The following CACNA2D2 variants were observed in gnomAD, a reference collection of about 807,000 sequenced individuals.
CACNA2D2 encodes the protein calcium voltage-gated channel auxiliary subunit alpha2delta 2, also known as voltage-dependent calcium channel subunit alpha-2/delta-2.
In CACNA2D2, 48 loss-of-function variants were observed where a neutral mutation model predicts 166.4. That is an observed-to-expected ratio of 0.29 (90% confidence interval 0.23 to 0.37). CACNA2D2 has a LOEUF of 0.37. Among genes scored for constraint, CACNA2D2 ranks in the 10% least tolerant of loss-of-function variants. CACNA2D2 has a pLI of 1.00. For synonymous variants in CACNA2D2, 561 were observed against 573.7 expected (o/e 0.98, Z 0.32); for missense variants, 1,122 against 1,433.0 (o/e 0.78, Z 3.50).
Position 50,365,225 on chromosome 3 carries a change from GC to G in CACNA2D2, c.3099-42del. 1.9e-6 allele frequency: 1 copy of G among 528,674 alleles called. No individual in the cohort carries two copies. The highest frequency in any genetic ancestry group is 2.8e-6 in the Non-Finnish European group (1 of 355,272). The allele number at this position is 528,674 out of a possible 1,614,324, so 32.7% of individuals were successfully genotyped here. On this transcript the variant is annotated intron_variant, in intron 35 of 37. Transcript: ENST00000424201. The surrounding 1 kb of genome is among the most constrained non-coding windows in gnomAD (Gnocchi z 4.5). ...AAAGGCGGGGCGTTGAGTTTGCCCCGCCCTGACCCACCCCCATCCTGCGGCC... is the reference window on the plus strand; with the variant it reads ...AAAGGCGGGGCGTTGAGTTTGCCCCGCCTGACCCACCCCCATCCTGCGGCC...
At chr3:50,447,284 G>A (rs537211912) in intron 2 of CACNA2D2, among the ~76,000 whole-genome samples, 2 of 152,276 alleles carry the variant, frequency 1.3e-5, no homozygotes, top group South Asian at 2.1e-4. Flanking sequence ...CATGCAGTGT[G>A]ACCTTGTCTC....
intron 6 of CACNA2D2, among the ~76,000 whole-genome samples, chr3:50,382,879 C>A (rs1705396362): frequency 1.3e-5 from 2 of 152,202 alleles, no homozygotes; most frequent in South Asian, 4.1e-4. Context: ...TACCTGTGAC[C>A]CCACACGCGC....
intron 4 of CACNA2D2, among the ~76,000 whole-genome samples, chr3:50,393,330 A>G (rs992950251): frequency 3.9e-5 from 6 of 152,206 alleles, no homozygotes; most frequent in South Asian, 2.1e-4. Context: ...TGGAGGACAC[A>G]GGAGCCCTGC....
chr3:50,413,909 A>G (rs1203548015), intron 3 of CACNA2D2, among the ~76,000 whole-genome samples: 2 of 152,036 alleles, frequency 1.3e-5, no homozygotes, highest in East Asian at 3.9e-4. Context: ...TTCGGTTGCC[A>G]GGGCCCCATT....
intron 1 of CACNA2D2, among the ~76,000 whole-genome samples, chr3:50,479,962 G>A (rs1053904745): frequency 2.0e-5 from 3 of 152,222 alleles, no homozygotes; most frequent in African/African-American, 7.2e-5. Context: ...GGCAGTGAGG[G>A]GAGAGTGGCC....
At chr3:50,478,009 C>A (rs1029013511) in intron 1 of CACNA2D2, among the ~76,000 whole-genome samples, 1 of 151,860 alleles carries the variant, frequency 6.6e-6, no homozygotes, top group African/African-American at 2.4e-5. Context: ...GCAGGCAGAT[C>A]ACTAATTGCA....
At chr3:50,391,385 G>A (rs1282627013) in intron 4 of CACNA2D2, among the ~76,000 whole-genome samples, 1 of 152,368 alleles carries the variant, frequency 6.6e-6, no homozygotes, top group East Asian at 1.9e-4. Context: ...GGTTTTGGTG[G>A]CACACAGTGT....
intron 22 of CACNA2D2, among the ~76,000 whole-genome samples, chr3:50,371,228 A>G (rs932626165): frequency 9.9e-5 from 15 of 152,112 alleles, no homozygotes; most frequent in Non-Finnish European, 8.8e-5. Context: ...TCTGGGCTCC[A>G]GGCAGCCATG....
chr3:50,366,427 G>C lies in CACNA2D2; in HGVS notation c.2638-89C>G. On this transcript the variant is annotated intron_variant, in intron 30 of 37. Coordinates refer to ENST00000424201, the MANE Select transcript of CACNA2D2 (RefSeq NM_006030.4). This position sits in a 1 kb window ranked among gnomAD's most constrained non-coding sequence, Gnocchi z 5.9. Reference sequence around the variant, plus strand: ...CAGTCCAGTGGTTCAGAGTTGGGGGGCATCACTCCCCCAGTCCTGGGAAGG... The same window carrying C: ...CAGTCCAGTGGTTCAGAGTTGGGGGCCATCACTCCCCCAGTCCTGGGAAGG... 1 of 1,476,286 alleles carries C rather than the reference G, an allele frequency of 6.8e-7. No homozygotes were observed. Among genetic ancestry groups the C allele is most frequent in the Non-Finnish European group, 9.5e-7 (1 of 1,055,480 alleles). The allele number at this position is 1,476,286 out of a possible 1,614,324, so 91.4% of individuals were successfully genotyped here. A position where few individuals can be genotyped will look rare whatever the true frequency, so the allele number is the denominator to read the frequency against.
intron 3 of CACNA2D2, among the ~76,000 whole-genome samples, chr3:50,413,749 A>T (rs1417192719): frequency 6.6e-6 from 1 of 152,162 alleles, no homozygotes; most frequent in African/African-American, 2.4e-5. Context: ...TGGGAGGATG[A>T]GGCAGGAGAG....
chr3:50,371,261 G>C (rs762539484), intron 22 of CACNA2D2, among the ~76,000 whole-genome samples: 7 of 152,198 alleles, frequency 4.6e-5, no homozygotes, highest in Non-Finnish European at 7.3e-5. Context: ...GCTCCAGAGA[G>C]GGCATAGGGC....
rs1024929799 is a variant in CACNA2D2, at chr3:50,366,630, T to G, written c.2590-5A>C. The G allele has an allele frequency of 3.7e-6, 6 of 1,613,758 alleles. No individual in the cohort carries two copies. The African/African-American group carries it at 6.7e-5, about 18-fold the overall frequency. On this transcript the variant is annotated splice_polypyrimidine_tract_variant and splice_region_variant and intron_variant, in intron 29 of 37. Transcript: ENST00000424201. This position sits in a 1 kb window ranked among gnomAD's most constrained non-coding sequence, Gnocchi z 5.9. ...ACAGTGGCTGTTGGGGCCGCACTGCTGGGCAGAGAGTGAGGACCGTAAGCC... is the reference window on the plus strand; with the variant it reads ...ACAGTGGCTGTTGGGGCCGCACTGCGGGGCAGAGAGTGAGGACCGTAAGCC...
At chr3:50,420,451 T>C (rs942529649) in intron 3 of CACNA2D2, among the ~76,000 whole-genome samples, 3 of 152,196 alleles carry the variant, frequency 2.0e-5, no homozygotes, top group Non-Finnish European at 4.4e-5. Context: ...CAGCTTAAAC[T>C]GCTGTGCTGC....
chr3:50,395,628 C>T (rs1391587151), intron 3 of CACNA2D2, among the ~76,000 whole-genome samples: 1 of 152,244 alleles, frequency 6.6e-6, no homozygotes, highest in Non-Finnish European at 1.5e-5. Flanking sequence ...CTACTAAAGC[C>T]TGTCAGCTGC....
At chr3:50,493,886 G>A (rs763731462) in intron 1 of CACNA2D2, among the ~76,000 whole-genome samples, 2 of 152,246 alleles carry the variant, frequency 1.3e-5, no homozygotes, top group African/African-American at 4.8e-5. Flanking sequence ...AGAGGGACAC[G>A]GTGAGCAGTG....
At chr3:50,392,357 C>T (rs1301560446) in intron 4 of CACNA2D2, among the ~76,000 whole-genome samples, 1 of 152,142 alleles carries the variant, frequency 6.6e-6, no homozygotes, top group Non-Finnish European at 1.5e-5. Context: ...AGCAGTGCTT[C>T]CTGGGAAGAA....
intron 2 of CACNA2D2, among the ~76,000 whole-genome samples, chr3:50,437,982 C>T (rs1169433951): frequency 2.0e-5 from 3 of 152,214 alleles, no homozygotes; most frequent in East Asian, 1.9e-4. Context: ...CTAAGGAGCA[C>T]GACGGGGCCC....
intron 1 of CACNA2D2, among the ~76,000 whole-genome samples, chr3:50,477,814 C>T (rs1271536225): frequency 6.6e-6 from 1 of 152,164 alleles, no homozygotes; most frequent in African/African-American, 2.4e-5. Context: ...GGTCCCAACT[C>T]CCTGGGCCTG....
intron 1 of CACNA2D2, among the ~76,000 whole-genome samples, chr3:50,487,696 C>T (rs1281478561): frequency 1.3e-5 from 2 of 152,128 alleles, no homozygotes; most frequent in African/African-American, 4.8e-5. Flanking sequence ...CTCCCCAATC[C>T]GAGAGAAGCC....
Sources: gnomAD v4.1 joint callset for allele counts (sites outside exome capture counted in the v4.1 genomes callset) on GRCh38, gnomAD v4.1.1 for gene constraint, Gnocchi (gnomAD v3.1) non-coding constraint, MANE v1.5 for transcripts, NCBI Gene and HGNC (gene_info 2026-07-23, HGNC 2026-07-21) for gene names.